The following RSRC1 variants were observed in gnomAD, a reference collection of about 807,000 sequenced individuals.
RSRC1 encodes serine/Arginine-related protein 53.
Under a neutral mutation model 49.1 loss-of-function variants are expected in RSRC1, and 39 were observed. The ratio of observed to expected loss-of-function variants is 0.79; its 90% CI spans 0.61 to 1.04. The LOEUF (loss-of-function observed/expected upper bound fraction) is 1.04, where lower values mean the gene tolerates loss of function less well. Among genes scored for constraint, RSRC1 ranks in the 50% least tolerant of loss-of-function variants. RSRC1 has a pLI of 0.00. For missense variants in RSRC1, 388 were observed against 402.4 expected, an observed-to-expected ratio of 0.96 and a Z score of 0.31; for synonymous variants, 143 against 130.8, an observed-to-expected ratio of 1.09 and a Z score of -0.63.
At chr3:158,462,300 A>C (rs1057212524) in intron 7 of RSRC1, among the ~76,000 whole-genome samples, 1 of 151,980 alleles carries the variant, frequency 6.6e-6, no homozygotes, top group Non-Finnish European at 1.5e-5. Flanking sequence ...ACAAACAGAC[A>C]TAAGACTAAA....
chr3:158,408,786 C>T (rs140185032), intron 6 of RSRC1, among the ~76,000 whole-genome samples: 1,542 of 152,166 alleles, frequency 0.01, 13 homozygotes, highest in Non-Finnish European at 0.013. Context: ...AATCCCAGCA[C>T]TTTAGGAGAC....
At chr3:158,523,176 G>A (rs1711796664) in intron 7 of RSRC1, among the ~76,000 whole-genome samples, 1 of 152,098 alleles carries the variant, frequency 6.6e-6, no homozygotes, top group South Asian at 2.1e-4. Context: ...ACTATGAAAA[G>A]TCTCTTATTA....
chr3:158,116,797 A>G (rs546186628), intron 1 of RSRC1, among the ~76,000 whole-genome samples: 8 of 152,314 alleles, frequency 5.3e-5, no homozygotes, highest in African/African-American at 1.4e-4. Flanking sequence ...AATCGCTGGT[A>G]CTAGAATGTA....
chr3:158,543,892 A>C (rs930402767), intron 9 of RSRC1, among the ~76,000 whole-genome samples: 3 of 152,188 alleles, frequency 2.0e-5, no homozygotes, highest in Non-Finnish European at 4.4e-5. Context: ...GTCTTCCATG[A>C]AATGTTGTAA....
chr3:158,372,245 A>T (rs1732121262), intron 6 of RSRC1, among the ~76,000 whole-genome samples: 2 of 151,878 alleles, frequency 1.3e-5, no homozygotes, highest in Admixed American at 6.6e-5. Context: ...TTGCCCAACC[A>T]GAGAACTCAA....
At chr3:158,418,196 A>G (rs1044733031) in intron 6 of RSRC1, among the ~76,000 whole-genome samples, 3 of 152,000 alleles carry the variant, frequency 2.0e-5, no homozygotes, top group Admixed American at 6.6e-5. Flanking sequence ...AAGAAATGCA[A>G]TCACATGTGT....
intron 5 of RSRC1, among the ~76,000 whole-genome samples, chr3:158,313,454 A>G (rs1728239487): frequency 6.6e-6 from 1 of 152,154 alleles, no homozygotes; most frequent in Non-Finnish European, 1.5e-5. Context: ...ATTTGAGCAG[A>G]TATTTAGTCT....
intron 6 of RSRC1, among the ~76,000 whole-genome samples, chr3:158,402,375 G>T (rs962919010): frequency 2.0e-5 from 3 of 151,598 alleles, no homozygotes; most frequent in Admixed American, 6.6e-5. Context: ...ATTTATACTG[G>T]CAATGATCTG....
intron 3 of RSRC1, among the ~76,000 whole-genome samples, chr3:158,167,633 G>A (rs74997031): frequency 0.036 from 5,442 of 152,274 alleles, 312 homozygotes; most frequent in African/African-American, 0.12. Flanking sequence ...CAGAAAGTAT[G>A]AAAATGTTGT....
chr3:158,246,128 C>T (rs945728114), intron 4 of RSRC1, among the ~76,000 whole-genome samples: 52 of 152,044 alleles, frequency 3.4e-4, no homozygotes, highest in African/African-American at 1.2e-3. Flanking sequence ...CCATCATTCT[C>T]AGCAAACTAT....
At chr3:158,222,172 G>GAGC (rs1308511977) in intron 4 of RSRC1, among the ~76,000 whole-genome samples, 1 of 151,404 alleles carries the variant, frequency 6.6e-6, no homozygotes, top group Non-Finnish European at 1.5e-5. Flanking sequence ...ACATTCTGAG[G>GAGC]AGCACATAAT....
chr3:158,228,837 A>AAACACACATACGTGTATATG, intron 4 of RSRC1, among the ~76,000 whole-genome samples: 1 of 144,816 alleles, frequency 6.9e-6, no homozygotes, highest in African/African-American at 2.6e-5. Flanking sequence ...GTGTGTATAT[A>AAACACACATACGTGTATATG]TGTATATAAA....
intron 4 of RSRC1, among the ~76,000 whole-genome samples, chr3:158,248,394 T>C (rs1724021252): frequency 6.6e-6 from 1 of 152,314 alleles, no homozygotes; most frequent in South Asian, 2.1e-4. Context: ...ATAAGTAATA[T>C]TCTATTCCAT....
intron 5 of RSRC1, among the ~76,000 whole-genome samples, chr3:158,302,001 TTTG>T (rs1553782283): frequency 6.6e-6 from 1 of 151,060 alleles, no homozygotes; most frequent in Non-Finnish European, 1.5e-5. Context: ...GTTTTTTTTT[TTTG>T]TTGTTGTTAA....
intron 6 of RSRC1, among the ~76,000 whole-genome samples, chr3:158,397,073 C>A (rs1381601582): frequency 6.6e-6 from 1 of 152,068 alleles, no homozygotes; most frequent in African/African-American, 2.4e-5. Context: ...TTAAAAAAAT[C>A]TAATCTTTAT....
intron 3 of RSRC1, among the ~76,000 whole-genome samples, chr3:158,186,795 C>T (rs572250344): frequency 6.6e-6 from 1 of 151,710 alleles, no homozygotes; most frequent in Non-Finnish European, 1.5e-5. Flanking sequence ...CTTTTTTTCC[C>T]CTTCTTCCCA....
At chr3:158,218,436 C>T (rs9838425) in intron 4 of RSRC1, among the ~76,000 whole-genome samples, 2,544 of 151,622 alleles carry the variant, frequency 0.017, 63 homozygotes, top group African/African-American at 0.059. Context: ...AAATGAGATG[C>T]AGATGTTAAG....
intron 7 of RSRC1, among the ~76,000 whole-genome samples, chr3:158,473,149 C>T (rs1291144320): frequency 1.3e-5 from 2 of 152,164 alleles, no homozygotes; most frequent in African/African-American, 2.4e-5. Flanking sequence ...TATGACCCAG[C>T]TATCCCATTA....
In RSRC1 at chr3:158,304,289, C is replaced by A. The variant is rs1051390750; in HGVS notation, c.531+6214C>A. ...TAACTATCAGGTTCCAATAAAAGCC[C>A]TTTCCTTTCTGTTTTAGACTATTTT... is the stretch of plus-strand genomic sequence containing the variant. On this transcript the variant is annotated intron_variant, in intron 5 of 9. Coordinates refer to ENST00000611884, the MANE Select transcript of RSRC1 (RefSeq NM_001271838.2). Among the ~76,000 whole-genome samples, 5 of 152,202 alleles carry A rather than the reference C, an allele frequency of 3.3e-5. No individual in the cohort carries two copies. In the East Asian group the frequency reaches 5.8e-4, roughly 18 times the overall value.
Sources: gnomAD v4.1 joint callset for allele counts (sites outside exome capture counted in the v4.1 genomes callset) on GRCh38, gnomAD v4.1.1 for gene constraint, MANE v1.5 for transcripts, NCBI Gene and HGNC (gene_info 2026-07-23, HGNC 2026-07-21) for gene names.